Variants in NEURL1 observed in about 807,000 individuals in gnomAD.
The protein encoded by NEURL1 is neuralized E3 ubiquitin protein ligase 1.
Under a neutral mutation model 41.2 loss-of-function variants are expected in NEURL1, and 26 were observed. The observed-to-expected ratio is 0.63, with a 90% CI of 0.46 to 0.87. NEURL1 has a LOEUF of 0.87. Among genes scored for constraint, NEURL1 ranks in the 40% least tolerant of loss-of-function variants. The pLI is 0.00. For synonymous variants in NEURL1, 400 were observed against 402.3 expected (o/e 0.99, Z 0.07); for missense variants, 761 against 871.1 (o/e 0.87, Z 1.59).
chr10:103,592,239 C>T lies in NEURL1; in HGVS notation c.*1867C>T, dbSNP rs75053469. On this transcript the variant is annotated 3_prime_UTR_variant, in exon 6 of 6. Coordinates refer to ENST00000369780, the MANE Select transcript of NEURL1 (RefSeq NM_004210.5). This position sits in a 1 kb window ranked among gnomAD's most constrained non-coding sequence, Gnocchi z 4.8. Reference sequence around the variant, plus strand: ...TTTCTGTGTGACTCGGGAGTTCTTCCGTGAGGGCTGCCAGGGGGTGGTGTG... The same window carrying T: ...TTTCTGTGTGACTCGGGAGTTCTTCTGTGAGGGCTGCCAGGGGGTGGTGTG... The T allele has an allele frequency of 0.032, 4,901 of 152,458 alleles. 90 individuals carry two copies. Among genetic ancestry groups the T allele is most frequent in the South Asian group, 0.043 (209 of 4,816 alleles). 9.4% of individuals were successfully genotyped at this position (152,458 alleles called of 1,614,324 possible).
At chr10:103,515,273 G>A (rs926375605) in intron 1 of NEURL1, 25 of 145,200 alleles carry the variant, frequency 1.7e-4, no homozygotes, top group African/African-American at 6.4e-4. Flanking sequence ...TCAAGTGTGT[G>A]TTTAGATATT....
Position 103,555,314 on chromosome 10 carries a change from G to A in NEURL1, c.86-15558G>A, listed in dbSNP as rs570941351. 2.6e-4 allele frequency: 334 copies of A among 1,275,246 alleles called. 1 individual carries two copies. In the South Asian group the frequency reaches 4.0e-3, roughly 15 times the overall value. The allele number at this position is 1,275,246 out of a possible 1,614,324, so 79.0% of individuals were successfully genotyped here. ...ACGGGGGAGGAGGAGGGGAGCAGCC[G>A]GCCGGGGCGACTCGGTGACCAGCCG... is the stretch of plus-strand genomic sequence containing the variant. On this transcript the variant is annotated intron_variant, in intron 1 of 5. Coordinates refer to ENST00000369780, the MANE Select transcript of NEURL1 (RefSeq NM_004210.5).
Position 103,570,985 on chromosome 10 carries a change from C to T in NEURL1, c.199C>T (p.Pro67Ser), listed in dbSNP as rs2035529937. The change falls in exon 2 of 6, where the codon CCG becomes TCG. Residue 67 changes from proline (P) to serine (S), a missense_variant. By Grantham distance (74) the Pro-to-Ser change is moderately conservative (BLOSUM62 -1). Transcript: ENST00000369780. Reference protein sequence around the residue: ...GLPATPLLFHPHTKGSQILMD... With the variant: ...GLPATPLLFHSHTKGSQILMD... Reference sequence around the variant, plus strand: ...CCCAGCCACGCCGCTGCTCTTCCACCCGCACACCAAGGGCTCCCAGATCCT... The same window carrying T: ...CCCAGCCACGCCGCTGCTCTTCCACTCGCACACCAAGGGCTCCCAGATCCT... The T allele has an allele frequency of 1.9e-6, 3 of 1,613,956 alleles. No individual in the cohort carries two copies. Among genetic ancestry groups the T allele is most frequent in the Non-Finnish European group, 2.5e-6 (3 of 1,180,020 alleles).
intron 3 of NEURL1, among the ~76,000 whole-genome samples, chr10:103,573,734 C>CAA (rs2035597253): frequency 6.6e-6 from 1 of 152,192 alleles, no homozygotes; most frequent in Non-Finnish European, 1.5e-5. Context: ...GAGAAAGCCA[C>CAA]AGTCTTGTTG....
rs1433108368 is a variant in NEURL1 at position 103,590,608 on chromosome 10, GTC to G, written c.*241_*242del. The stretch of plus-strand genomic sequence containing the variant: ...GAGGAGAGGAGGCCGCACTCTCCCT[GTC>G]TCTCCCGTCTCTGCACCCAGCTCCT... On this transcript the variant is annotated 3_prime_UTR_variant, in exon 6 of 6. Coordinates refer to ENST00000369780, the MANE Select transcript of NEURL1 (RefSeq NM_004210.5). The G allele has an allele frequency of 1.8e-6, 1 of 561,058 alleles. No individual in the cohort carries two copies. The highest frequency in any genetic ancestry group is 3.2e-6 in the Non-Finnish European group (1 of 312,778). 34.8% of individuals were successfully genotyped at this position (561,058 alleles called of 1,614,324 possible).
chr10:103,584,854 G>C lies in NEURL1; in HGVS notation c.968G>C (p.Arg323Pro). The C allele has an allele frequency of 7.1e-7, 1 of 1,406,950 alleles. No homozygotes were observed. Among genetic ancestry groups the C allele is most frequent in the Non-Finnish European group, 9.2e-7 (1 of 1,089,860 alleles). The allele number at this position is 1,406,950 out of a possible 1,614,324, so 87.2% of individuals were successfully genotyped here. ...CGCGTGGAGCACGGGCGCGACGAGC[G>C]CGCGCTCGTCTTCACCAGCCGGCCC... ...VARVEHGRDE[R>P]ALVFTSRPVR... The change falls in exon 4 of 6, where the codon CGC becomes CCC. Residue 323 changes from arginine (R) to proline (P), a missense_variant. Coordinates refer to ENST00000369780, the MANE Select transcript of NEURL1 (RefSeq NM_004210.5).
chr10:103,495,480 T>TGAAAA (rs1236244137), intron 1 of NEURL1, among the ~76,000 whole-genome samples: 89 of 152,328 alleles, frequency 5.8e-4, no homozygotes, highest in African/African-American at 2.1e-3. Flanking sequence ...TGGACACTGC[T>TGAAAA]TGGGGTAGTC....
intron 1 of NEURL1, among the ~76,000 whole-genome samples, chr10:103,521,471 T>G (rs746962078): frequency 3.6e-4 from 55 of 152,116 alleles, no homozygotes; most frequent in Non-Finnish European, 6.0e-4. Flanking sequence ...GCTTGATGTG[T>G]AGGGAAGGGA....
Position 103,558,298 on chromosome 10 carries a change from G to T in NEURL1, c.86-12574G>T, listed in dbSNP as rs184934517. ...GGACCCAGGACTCTGTATGTGTGTCGGGGGTCATCTAATTGTGTGTTTTGT... is the reference window on the plus strand; with the variant it reads ...GGACCCAGGACTCTGTATGTGTGTCTGGGGTCATCTAATTGTGTGTTTTGT... On this transcript the variant is annotated intron_variant, in intron 1 of 5. Transcript: ENST00000369780. This position sits in a 1 kb window ranked among gnomAD's most constrained non-coding sequence, Gnocchi z 4.2. 1.0e-6 allele frequency: 1 copy of T among 962,374 alleles called. No homozygotes were observed. Among genetic ancestry groups the T allele is most frequent in the East Asian group, 1.1e-4 (1 of 8,702 alleles). The allele number at this position is 962,374 out of a possible 1,614,324, so 59.6% of individuals were successfully genotyped here. A position where few individuals can be genotyped will look rare whatever the true frequency, so the allele number is the denominator to read the frequency against.
intron 1 of NEURL1, among the ~76,000 whole-genome samples, chr10:103,529,350 C>G (rs1421338741): frequency 6.6e-6 from 1 of 152,154 alleles, no homozygotes; most frequent in Non-Finnish European, 1.5e-5. Context: ...CCTGTATGAG[C>G]TGGGTAAATT....
chr10:103,511,028 G>A (rs1030314142), intron 1 of NEURL1, among the ~76,000 whole-genome samples: 4 of 152,188 alleles, frequency 2.6e-5, no homozygotes, highest in African/African-American at 9.7e-5. Context: ...TGGCCTCTTA[G>A]CCCGCATCCA....
chr10:103,577,227 C>G (rs1318729916), intron 3 of NEURL1, among the ~76,000 whole-genome samples: 1 of 152,164 alleles, frequency 6.6e-6, no homozygotes, highest in Non-Finnish European at 1.5e-5. Context: ...TCTGCTTACC[C>G]CAAATTCTGC....
intron 3 of NEURL1, among the ~76,000 whole-genome samples, chr10:103,582,574 C>T (rs974799004): frequency 2.0e-5 from 3 of 152,186 alleles, no homozygotes; most frequent in Non-Finnish European, 1.5e-5. Context: ...GGGGGCCAGA[C>T]AACACAGTTC....
At chr10:103,584,151 C>G (rs533705669) in intron 3 of NEURL1, among the ~76,000 whole-genome samples, 48 of 152,252 alleles carry the variant, frequency 3.2e-4, no homozygotes, top group Admixed American at 1.2e-3. Context: ...TGTTTGTCAA[C>G]AGAATGCTTG....
In NEURL1 at chr10:103,584,869, C is replaced by G. The variant is rs2035872257; in HGVS notation, c.983C>G (p.Thr328Ser). The G allele has an allele frequency of 3.5e-6, 5 of 1,421,726 alleles. No homozygotes were observed. The highest frequency in any genetic ancestry group is 1.5e-5 in the African/African-American group (1 of 66,008). 88.1% of individuals were successfully genotyped at this position (1,421,726 alleles called of 1,614,324 possible). ...CGCGACGAGCGCGCGCTCGTCTTCACCAGCCGGCCCGTGCGCGTGGCCGAG... is the reference window on the plus strand; with the variant it reads ...CGCGACGAGCGCGCGCTCGTCTTCAGCAGCCGGCCCGTGCGCGTGGCCGAG... ...HGRDERALVF[T>S]SRPVRVAETI... Residue 328 changes from threonine to serine, a missense_variant, in exon 4 of 6, where the codon ACC (threonine) becomes AGC (serine). By Grantham distance (58) the Thr-to-Ser change is moderately conservative (BLOSUM62 1). Coordinates refer to ENST00000369780, the MANE Select transcript of NEURL1 (RefSeq NM_004210.5).
intron 1 of NEURL1, among the ~76,000 whole-genome samples, chr10:103,560,543 C>T (rs1197455822): frequency 6.6e-6 from 1 of 152,200 alleles, no homozygotes; most frequent in African/African-American, 2.4e-5. Flanking sequence ...TTCTTTCACC[C>T]ACCCTGTCAT....
intron 1 of NEURL1, chr10:103,555,493 G>A: frequency 8.1e-7 from 1 of 1,227,078 alleles, no homozygotes; most frequent in African/African-American, 1.5e-5. Context: ...GGGCGCTGGG[G>A]CTGAGGGCTT....
chr10:103,523,390 A>C (rs2034395973), intron 1 of NEURL1, among the ~76,000 whole-genome samples: 1 of 152,062 alleles, frequency 6.6e-6, no homozygotes, highest in South Asian at 2.1e-4. Flanking sequence ...CAAGAGTTTA[A>C]GGCTGCAGTG....
intron 1 of NEURL1, among the ~76,000 whole-genome samples, chr10:103,536,389 C>G (rs1376919823): frequency 6.6e-6 from 1 of 151,984 alleles, no homozygotes; most frequent in Non-Finnish European, 1.5e-5. Flanking sequence ...ACTAAAAATC[C>G]AAAAATTAGC....
Sources: gnomAD v4.1 joint callset for allele counts (sites outside exome capture counted in the v4.1 genomes callset) on GRCh38, gnomAD v4.1.1 for gene constraint, Gnocchi (gnomAD v3.1) non-coding constraint, MANE v1.5 for transcripts, NCBI Gene and HGNC (gene_info 2026-07-23, HGNC 2026-07-21) for gene names.